HOOK3: variants seen among roughly 807,000 people sequenced by gnomAD.
The protein encoded by HOOK3 is hook microtubule tethering protein 3.
In HOOK3, 24 loss-of-function variants were observed where a neutral mutation model predicts 116.3. The ratio of observed to expected loss-of-function variants is 0.21; its 90% confidence interval spans 0.15 to 0.29. The LOEUF is 0.29. Among genes scored for constraint, HOOK3 ranks in the 10% least tolerant of loss-of-function variants. The probability of loss-of-function intolerance (pLI) is 1.00; values close to 1 mark genes in which losing one functional copy is unlikely to be tolerated. For missense variants in HOOK3, 632 were observed against 830.2 expected (o/e 0.76, Z 2.93); for synonymous variants, 275 against 283.0 (o/e 0.97, Z 0.28).
Position 42,925,542 on chromosome 8 carries a change from TTTC to T in HOOK3, c.144-12_144-10del. ...CTACATGATTTTAATATGTAAGCTT[TTTC>T]TTATTTTGCAGAGATCCTGCATATT... On this transcript the variant is annotated splice_polypyrimidine_tract_variant and intron_variant, in intron 2 of 21. Coordinates refer to ENST00000307602, the MANE Select transcript of HOOK3 (RefSeq NM_032410.4). 1.3e-6 allele frequency: 2 copies of T among 1,557,314 alleles called. No individual in the cohort carries two copies. Among genetic ancestry groups the T allele is most frequent in the Non-Finnish European group, 1.7e-6 (2 of 1,144,330 alleles).
chr8:42,939,672 C>T (rs1808061686), intron 4 of HOOK3, among the ~76,000 whole-genome samples: 2 of 151,232 alleles, frequency 1.3e-5, no homozygotes, highest in African/African-American at 2.5e-5. Context: ...CAGAGACGCT[C>T]CTCACTCCCC....
intron 4 of HOOK3, among the ~76,000 whole-genome samples, chr8:42,935,520 T>C (rs922941787): frequency 3.9e-5 from 6 of 152,230 alleles, no homozygotes; most frequent in Non-Finnish European, 8.8e-5. Flanking sequence ...TTTTATGGTT[T>C]TAGGTCTTAC....
chr8:42,923,506 C>T (rs1413124704), intron 2 of HOOK3, among the ~76,000 whole-genome samples: 1 of 152,156 alleles, frequency 6.6e-6, no homozygotes, highest in Non-Finnish European at 1.5e-5. Context: ...AGCACTGATA[C>T]ATGCTGCAGT....
At chr8:42,987,178 C>CA (rs1421070009) in intron 15 of HOOK3, among the ~76,000 whole-genome samples, 1 of 151,996 alleles carries the variant, frequency 6.6e-6, no homozygotes, top group Non-Finnish European at 1.5e-5. Flanking sequence ...AACAAACAAA[C>CA]AAAAAAACCA....
At position 42,966,625 on chromosome 8, in the gene HOOK3, A is replaced by G. The variant is rs1290072153; in HGVS notation, c.920+12A>G. On this transcript the variant is annotated intron_variant, in intron 10 of 21. Transcript: ENST00000307602. The stretch of plus-strand genomic sequence containing the variant: ...ATCGACGTGCTGAGGTAAAAACCTC[A>G]CCTTCACCGCCCAGCACAGTTTGGC... The G allele has an allele frequency of 3.1e-6, 5 of 1,613,622 alleles. No individual in the cohort carries two copies. The highest frequency in any genetic ancestry group is 4.2e-6 in the Non-Finnish European group (5 of 1,179,734).
chr8:42,982,064 G>A (rs186476162), intron 13 of HOOK3, among the ~76,000 whole-genome samples: 298 of 150,976 alleles, frequency 2.0e-3, no homozygotes, highest in African/African-American at 6.7e-3. Context: ...GACCAGCCTG[G>A]CCAATGTGGT....
At position 42,926,772 on chromosome 8, in the gene HOOK3, C is replaced by T. The variant is rs149538580; in HGVS notation, c.216+1143C>T. On this transcript the variant is annotated intron_variant, in intron 3 of 21. Coordinates refer to ENST00000307602, the MANE Select transcript of HOOK3 (RefSeq NM_032410.4). ...AAATTTCACCAAGGTTACTTGCACT[C>T]TATGTTAGTGTGTGCAGTTCTGTGT... 3.9e-5 allele frequency among the ~76,000 whole-genome samples: 6 copies of T among 152,340 alleles called. No individual in the cohort carries two copies. In the East Asian group the frequency reaches 5.8e-4, roughly 15 times the overall value.
At chr8:42,921,548 T>C (rs1393263644) in intron 2 of HOOK3, among the ~76,000 whole-genome samples, 1 of 152,234 alleles carries the variant, frequency 6.6e-6, no homozygotes, top group African/African-American at 2.4e-5. Context: ...TGTCTGTTTC[T>C]TTGAGAAGTC....
Position 43,025,097 on chromosome 8 carries a change from G to T in HOOK3, c.*6599G>T, listed in dbSNP as rs1054691592. On this transcript the variant is annotated 3_prime_UTR_variant, in exon 22 of 22. Transcript: ENST00000307602. ...CATTGACTGAAATGATAGAGAAAGG[G>T]ACATTTGTTTGAGAAACAAGAGACC... 2.8e-5 allele frequency: 6 copies of T among 212,924 alleles called. No individual in the cohort carries two copies. Among genetic ancestry groups the T allele is most frequent in the Non-Finnish European group, 4.7e-5 (5 of 105,306 alleles). The allele number at this position is 212,924 out of a possible 1,614,324, so 13.2% of individuals were successfully genotyped here. A position where few individuals can be genotyped will look rare whatever the true frequency, so the allele number is the denominator to read the frequency against.
intron 18 of HOOK3, among the ~76,000 whole-genome samples, chr8:43,008,768 T>G (rs907275961): frequency 6.8e-6 from 1 of 147,962 alleles, no homozygotes; most frequent in African/African-American, 2.5e-5. Context: ...CACGCCATTC[T>G]CCTGCCTCAG....
At chr8:42,956,223 CGTGT>C (rs61448463) in intron 6 of HOOK3, among the ~76,000 whole-genome samples, 11,918 of 135,710 alleles carry the variant, frequency 0.088, 688 homozygotes, top group Admixed American at 0.15. Flanking sequence ...AGGATTAGGG[CGTGT>C]GTGTGTGTGT....
chr8:42,977,875 G>GA (rs1379064056), intron 13 of HOOK3, among the ~76,000 whole-genome samples: 1 of 151,720 alleles, frequency 6.6e-6, no homozygotes, highest in Non-Finnish European at 1.5e-5. Flanking sequence ...TCCAAAAAAA[G>GA]AAAAAACAAA....
chr8:42,903,115 C>T (rs1586582893), intron 1 of HOOK3, among the ~76,000 whole-genome samples: 1 of 152,120 alleles, frequency 6.6e-6, no homozygotes, highest in Non-Finnish European at 1.5e-5. Context: ...TTCATGTATT[C>T]ATTTACTAAT....
chr8:43,010,404 G>A lies in HOOK3; in HGVS notation c.1838G>A (p.Ser613Asn). 7.6e-7 allele frequency: 1 copy of A among 1,320,494 alleles called. No homozygotes were observed. 81.8% of individuals were successfully genotyped at this position (1,320,494 alleles called of 1,614,324 possible). ...RYKKYLEKAK[S>N]VIRTLDPKQN... ...AAAAAATACTTAGAGAAAGCCAAAAGTGTAAGTATGAATTTTGTAGGCATC... is the reference window on the plus strand; with the variant it reads ...AAAAAATACTTAGAGAAAGCCAAAAATGTAAGTATGAATTTTGTAGGCATC... The change falls in exon 19 of 22, where the codon AGT becomes AAT. Residue 613 changes from serine (S) to asparagine (N), a missense_variant and splice_region_variant. Ser to Asn is a conservative substitution (Grantham distance 46). Around this residue, in one of 3 missense-constraint regions of HOOK3, gnomAD observed 483 missense variants for 648.1 expected, o/e 0.75. Transcript: ENST00000307602.
In HOOK3 at chr8:43,023,255, G is replaced by A. The variant is rs556497557; in HGVS notation, c.*4757G>A. On this transcript the variant is annotated 3_prime_UTR_variant, in exon 22 of 22. Coordinates refer to ENST00000307602, the MANE Select transcript of HOOK3 (RefSeq NM_032410.4). ...AAACATCAGCCTGTATATTCCAGTAGTTCTCACAGAAGAATGAAAATCCGT... is the reference window on the plus strand; with the variant it reads ...AAACATCAGCCTGTATATTCCAGTAATTCTCACAGAAGAATGAAAATCCGT... 4.6e-4 allele frequency: 77 copies of A among 166,046 alleles called. No homozygotes were observed. The highest frequency in any genetic ancestry group is 7.6e-4 in the Non-Finnish European group (59 of 77,274). 10.3% of individuals were successfully genotyped at this position (166,046 alleles called of 1,614,324 possible).
intron 3 of HOOK3, among the ~76,000 whole-genome samples, chr8:42,926,255 G>A (rs1048298257): frequency 2.0e-5 from 3 of 152,132 alleles, no homozygotes; most frequent in East Asian, 1.9e-4. Flanking sequence ...AAATGTTTGC[G>A]TAATCCACCA....
At chr8:42,978,258 T>C (rs1240385200) in intron 13 of HOOK3, among the ~76,000 whole-genome samples, 1 of 152,232 alleles carries the variant, frequency 6.6e-6, no homozygotes, top group African/African-American at 2.4e-5. Flanking sequence ...TTTTCTTTTT[T>C]TGAGATGGAG....
intron 4 of HOOK3, among the ~76,000 whole-genome samples, chr8:42,933,906 C>G (rs1195921791): frequency 6.6e-6 from 1 of 152,122 alleles, no homozygotes; most frequent in Non-Finnish European, 1.5e-5. Context: ...TTTTTATCTC[C>G]ATGTTCATGC....
chr8:42,953,358 G>A (rs1390085535), intron 6 of HOOK3, among the ~76,000 whole-genome samples: 1 of 151,694 alleles, frequency 6.6e-6, no homozygotes, highest in African/African-American at 2.4e-5. Flanking sequence ...GAGGTCAGGA[G>A]TTCAAGACCA....
Sources: allele counts gnomAD v4.1 joint callset (sites outside exome capture counted in the v4.1 genomes callset), GRCh38; gene constraint gnomAD v4.1.1; regional missense constraint gnomAD v4.1.1; transcripts MANE v1.5; gene names NCBI Gene and HGNC (gene_info 2026-07-23, HGNC 2026-07-21).